Variants in RCOR2 observed in about 807,000 individuals in gnomAD.
RCOR2 encodes REST corepressor 2.
A neutral mutation model predicts 58.9 loss-of-function variants in RCOR2; 19 were observed. The ratio of observed to expected loss-of-function variants is 0.32; its 90% CI spans 0.23 to 0.47. The LOEUF (loss-of-function observed/expected upper bound fraction) is 0.47, where lower values mean the gene tolerates loss of function less well. RCOR2 is among the 20% of genes least tolerant of loss of function. The probability of loss-of-function intolerance (pLI) is 1.00; values close to 1 mark genes in which losing one functional copy is unlikely to be tolerated. For missense variants in RCOR2, 590 were observed against 707.9 expected (o/e 0.83, Z 1.89); for synonymous variants, 286 against 278.7 (o/e 1.03, Z -0.26).
chr11:63,912,359 C>T lies in RCOR2; in HGVS notation c.1203G>A (p.Glu401=). ...GCAATGGAGCCCCTCTCCTAGCCTC[C>T]TCCATGGGGACTGGGGCTCCAGGGG... ...DGAPGAPVPM[E]EARRGAPLPA... Residue 401 remains glutamate (E), a synonymous_variant, in exon 11 of 12, where the codon GAG becomes GAA. Coordinates refer to ENST00000301459, the MANE Select transcript of RCOR2 (RefSeq NM_173587.4). 1 of 1,613,776 alleles carries T rather than the reference C, an allele frequency of 6.2e-7. No homozygotes were observed. Among genetic ancestry groups the T allele is most frequent in the Non-Finnish European group, 8.5e-7 (1 of 1,179,964 alleles).
In RCOR2 at chr11:63,911,558, C is replaced by G. The variant is rs1464688150; in HGVS notation, c.*307G>C. On this transcript the variant is annotated 3_prime_UTR_variant, in exon 12 of 12. Transcript: ENST00000301459. ...CGCTAAGGTCACTACCCCGGACACA[C>G]AAAGGGCAGGACCCAGAGGCCAAGC... 1.4e-5 allele frequency: 4 copies of G among 279,150 alleles called. No individual in the cohort carries two copies. Among genetic ancestry groups the G allele is most frequent in the Non-Finnish European group, 2.6e-5 (4 of 151,678 alleles). The allele number at this position is 279,150 out of a possible 1,614,324, so 17.3% of individuals were successfully genotyped here. A position where few individuals can be genotyped will look rare whatever the true frequency, so the allele number is the denominator to read the frequency against.
upstream of RCOR2, among the ~76,000 whole-genome samples, chr11:63,920,774 T>TC (rs1019725088): frequency 5.3e-5 from 8 of 151,916 alleles, no homozygotes; most frequent in African/African-American, 1.9e-4. Context: ...ATTCGGTTCC[T>TC]CCCTCCCCTG....
chr11:63,915,064 C>T (rs573231420), intron 3 of RCOR2, 110 bp from the exon 4 acceptor site: 2 of 1,548,240 alleles, frequency 1.3e-6, no homozygotes, highest in African/African-American at 2.7e-5. Context: ...ACACGAGCCC[C>T]AGGGCAAGGG....
At chr11:63,913,683 T>A (rs1429850932) in intron 8 of RCOR2, among the ~76,000 whole-genome samples, 2 of 151,672 alleles carry the variant, frequency 1.3e-5, no homozygotes, top group African/African-American at 4.8e-5. Flanking sequence ...GGTTTCACTA[T>A]GTTGGCCAGG....
At chr11:63,913,742 G>A (rs981149993) in intron 8 of RCOR2, among the ~76,000 whole-genome samples, 3 of 152,110 alleles carry the variant, frequency 2.0e-5, no homozygotes, top group Non-Finnish European at 2.9e-5. Flanking sequence ...TCAGTCCCCC[G>A]GAATGCCTGG....
the RCOR2 span, among the ~76,000 whole-genome samples, chr11:63,924,127 C>T: frequency 2.0e-5 from 3 of 152,224 alleles, no homozygotes; most frequent in Non-Finnish European, 4.4e-5. Context: ...AGGCTGGTCT[C>T]AAACTCCCAA....
the RCOR2 span, among the ~76,000 whole-genome samples, chr11:63,922,294 G>A: frequency 4.6e-5 from 7 of 152,094 alleles, no homozygotes; most frequent in Non-Finnish European, 8.8e-5. Context: ...TAGGTATCTG[G>A]AACTTCAGCC....
In RCOR2 at chr11:63,916,988, A is replaced by G. The variant is rs545222493; in HGVS notation, c.-532T>C. The G allele has an allele frequency of 5.2e-3, 650 of 124,436 alleles. 5 individuals are homozygous for G. Among genetic ancestry groups the G allele is most frequent in the South Asian group, 0.011 (50 of 4,712 alleles). 7.7% of individuals were successfully genotyped at this position (124,436 alleles called of 1,614,324 possible). ...GGCACCGGCGGCGGCGGCGGCGGCG[A>G]CGGCGGCGGGACGGCGCGCACGGCG... On this transcript the variant is annotated 5_prime_UTR_variant, in exon 1 of 12. Coordinates refer to ENST00000301459, the MANE Select transcript of RCOR2 (RefSeq NM_173587.4).
At chr11:63,916,142 A>T (rs780572336) in intron 1 of RCOR2, among the ~76,000 whole-genome samples, 188 bp downstream of exon 1, 6 of 152,212 alleles carry the variant, frequency 3.9e-5, no homozygotes, top group Non-Finnish European at 8.8e-5. Flanking sequence ...CACAGCAGCT[A>T]GGGGCCCAGG....
intron 1 of RCOR2, among the ~76,000 whole-genome samples, chr11:63,915,837 G>A (rs1442803980): frequency 6.6e-6 from 1 of 152,252 alleles, no homozygotes; most frequent in Non-Finnish European, 1.5e-5. Flanking sequence ...GGGCTGGAGG[G>A]TGGACAAGGG....
Position 63,911,880 on chromosome 11 carries a change from TG to T in RCOR2, c.1556del (p.Pro519GlnfsTer8), listed in dbSNP as rs1228947611. 5.5e-6 allele frequency: 5 copies of T among 905,634 alleles called. No individual in the cohort carries two copies. The highest frequency in any genetic ancestry group is 1.7e-5 in the South Asian group (1 of 59,534). 56.1% of individuals were successfully genotyped at this position (905,634 alleles called of 1,614,324 possible). ...ACGTCAGGGCTCAGAGTGAGGGTGC[TG>T]GGGGCTCCAGAGGGGTTCCAATCAG... ...PTLIGTPLEP[P>X]APSL On this transcript the variant is annotated frameshift_variant, in exon 12 of 12. Transcript: ENST00000301459. LOFTEE classifies it high-confidence loss of function.
intron 7 of RCOR2, 34 bp from the exon 8 acceptor site, chr11:63,914,203 A>T (rs1024712836): frequency 6.2e-7 from 1 of 1,613,120 alleles, no homozygotes; most frequent in East Asian, 2.2e-5. Flanking sequence ...TAGGTGGTGC[A>T]GAGCCAGAGA....
At chr11:63,916,237 G>T (rs971761582) in intron 1 of RCOR2, 93 bp downstream of exon 1, 4 of 1,164,748 alleles carry the variant, frequency 3.4e-6, no homozygotes, top group Non-Finnish European at 4.8e-6. Flanking sequence ...AGCCATCAGT[G>T]TAACAGGCTC....
At position 63,914,232 on chromosome 11, in the gene RCOR2, G is replaced by C. The variant is rs752073468; in HGVS notation, c.675+29C>G. The stretch of plus-strand genomic sequence containing the variant: ...CCAGAGAGAGGCAAGAGGACAGGCA[G>C]GCAGGGCCCAGAGGCTCTGGGAGCT... On this transcript the variant is annotated intron_variant, in intron 7 of 11. Coordinates refer to ENST00000301459, the MANE Select transcript of RCOR2 (RefSeq NM_173587.4). 7 of 1,613,328 alleles carry C rather than the reference G, an allele frequency of 4.3e-6. No homozygotes were observed. In the African/African-American group the frequency reaches 9.3e-5, roughly 22 times the overall value.
rs996273211 is a variant in RCOR2 at position 63,914,715 on chromosome 11, C to T, written c.420G>A (p.Lys140=). ...PFPDEWTVED[K]VLFEQAFGFH... ...AGCCAAAGGCCTGTTCAAACAGCAC[C>T]TTGTCCTCTACTGTCCACTCGTCAG... Residue 140 remains lysine, a synonymous_variant, in exon 5 of 12, where the codon AAG becomes AAA. Transcript: ENST00000301459. 9 of 1,613,068 alleles carry T rather than the reference C, an allele frequency of 5.6e-6. No individual in the cohort carries two copies. The highest frequency in any genetic ancestry group is 3.3e-4 in the Middle Eastern group (2 of 6,080).
In RCOR2 at chr11:63,912,549, A is replaced by C; in HGVS notation, c.1028-15T>G. 1.2e-6 allele frequency: 2 copies of C among 1,606,824 alleles called. No individual in the cohort carries two copies. Among genetic ancestry groups the C allele is most frequent in the Non-Finnish European group, 1.7e-6 (2 of 1,173,422 alleles). ...CCTACGGATGGCTGCAAGGGTCAAA[A>C]GGGCAGCAGCGTCAATACCCCTTCG... On this transcript the variant is annotated splice_polypyrimidine_tract_variant and intron_variant, in intron 10 of 11. Coordinates refer to ENST00000301459, the MANE Select transcript of RCOR2 (RefSeq NM_173587.4).
Position 63,913,909 on chromosome 11 carries a change from C to T in RCOR2, c.891+45G>A, listed in dbSNP as rs184678010. 183 of 1,570,088 alleles carry T rather than the reference C, an allele frequency of 1.2e-4. No homozygotes were observed. In the African/African-American group the frequency reaches 2.2e-3, roughly 19 times the overall value. The stretch of plus-strand genomic sequence containing the variant: ...CCCCCTAGACTTCAGTTCCCAGGTG[C>T]CGAATGCCACCTTTGCATAGCCCGT... On this transcript the variant is annotated intron_variant, in intron 8 of 11. Coordinates refer to ENST00000301459, the MANE Select transcript of RCOR2 (RefSeq NM_173587.4).
the RCOR2 span, among the ~76,000 whole-genome samples, chr11:63,927,330 G>A: frequency 6.6e-5 from 10 of 152,184 alleles, no homozygotes; most frequent in Non-Finnish European, 1.2e-4. Flanking sequence ...GAGTGCAGTG[G>A]CAAGATCACA....
Position 63,912,092 on chromosome 11 carries a change from G to C in RCOR2, c.1345C>G (p.Pro449Ala). The C allele has an allele frequency of 6.6e-7, 1 of 1,504,524 alleles. No homozygotes were observed. The highest frequency in any genetic ancestry group is 8.8e-7 in the Non-Finnish European group (1 of 1,133,440). The allele number at this position is 1,504,524 out of a possible 1,614,324, so 93.2% of individuals were successfully genotyped here. A position where few individuals can be genotyped will look rare whatever the true frequency, so the allele number is the denominator to read the frequency against. The change falls in exon 12 of 12, where the codon CCA becomes GCA. Residue 449 changes from proline (P) to alanine (A), a missense_variant. Pro to Ala is a conservative substitution (Grantham distance 27, BLOSUM62 -1). Around this residue, in one of 3 missense-constraint regions of RCOR2, gnomAD observed 196 missense variants for 210.7 expected, o/e 0.93. Transcript: ENST00000301459. Reference sequence around the variant, plus strand: ...AAAGGTGGCCTCAGCAGCGGGGGTGGCTGGGACAGCGAGGTGGGAGGTGGA... The same window carrying C: ...AAAGGTGGCCTCAGCAGCGGGGGTGCCTGGGACAGCGAGGTGGGAGGTGGA... ...PPPPPTSLSQ[P>A]PPLLRPPLPT...
Sources: allele counts gnomAD v4.1 joint callset (sites outside exome capture counted in the v4.1 genomes callset), GRCh38; gene constraint gnomAD v4.1.1; regional missense constraint gnomAD v4.1.1; transcripts MANE v1.5; gene names NCBI Gene and HGNC (gene_info 2026-07-23, HGNC 2026-07-21).